NDST4: variants seen among roughly 807,000 people sequenced by gnomAD.
The protein encoded by NDST4 is N-heparan sulfate sulfotransferase 4.
NDST4 carries 63 observed loss-of-function variants against 100.8 expected under a neutral mutation model. That is an observed-to-expected ratio of 0.62 (90% CI 0.51 to 0.77). The LOEUF (loss-of-function observed/expected upper bound fraction) is 0.77, where lower values mean the gene tolerates loss of function less well. Ranked by LOEUF, NDST4 falls within the 30% of genes least tolerant of loss-of-function variation. The pLI is 0.00. For missense variants in NDST4, 943 were observed against 1,018.4 expected, an observed-to-expected ratio of 0.93 and a Z score of 1.01; for synonymous variants, 377 against 361.8, an observed-to-expected ratio of 1.04 and a Z score of -0.48.
rs142382531 is a variant in NDST4, at chr4:114,975,110, G to A, written c.1066+2077C>T. ...ATGTGACAAGATAGGGGTAAGGCAC[G>A]TCTTTCTGATATCTGAAAGGGTATC... On this transcript the variant is annotated intron_variant, in intron 3 of 13. Transcript: ENST00000264363. 8.0e-4 allele frequency among the ~76,000 whole-genome samples: 121 copies of A among 152,192 alleles called. 1 individual carries two copies. Among genetic ancestry groups the A allele is most frequent in the Non-Finnish European group, 9.4e-4 (64 of 67,990 alleles).
intron 3 of NDST4, among the ~76,000 whole-genome samples, chr4:114,975,235 G>A (rs116137233): frequency 0.015 from 2,276 of 151,946 alleles, 67 homozygotes; most frequent in African/African-American, 0.052. Context: ...TGTTATAGGT[G>A]CATTTCAATG....
chr4:115,083,626 C>T (rs1025667111), intron 1 of NDST4, among the ~76,000 whole-genome samples: 2 of 152,208 alleles, frequency 1.3e-5, no homozygotes, highest in Middle Eastern at 3.4e-3. Context: ...AATTACAGTT[C>T]CCATAATCCC....
intron 1 of NDST4, among the ~76,000 whole-genome samples, chr4:115,103,189 G>T (rs147500464): frequency 3.6e-4 from 55 of 152,158 alleles, no homozygotes; most frequent in Non-Finnish European, 6.9e-4. Flanking sequence ...CTGACTTTGT[G>T]CTGCTGGTGA....
At chr4:114,832,823 C>A (rs909868391) in intron 12 of NDST4, among the ~76,000 whole-genome samples, 4 of 152,194 alleles carry the variant, frequency 2.6e-5, no homozygotes, top group African/African-American at 9.7e-5. Flanking sequence ...ACAGCCACCA[C>A]AAGGTGAGAA....
chr4:114,905,763 C>T (rs1724936257), intron 6 of NDST4, among the ~76,000 whole-genome samples: 1 of 151,898 alleles, frequency 6.6e-6, no homozygotes, highest in Non-Finnish European at 1.5e-5. Flanking sequence ...TGTTCTTTTT[C>T]ATTTACTTCA....
intron 2 of NDST4, among the ~76,000 whole-genome samples, chr4:115,006,031 C>CAAAAAA (rs33988343): frequency 3.9e-4 from 39 of 99,414 alleles, no homozygotes; most frequent in African/African-American, 8.4e-4. Flanking sequence ...GACTCTATCT[C>CAAAAAA]AAAAAAAAAA....
chr4:114,898,978 T>C (rs914102871), intron 6 of NDST4, among the ~76,000 whole-genome samples: 1 of 151,966 alleles, frequency 6.6e-6, no homozygotes, highest in African/African-American at 2.4e-5. Context: ...ACAAAGACAG[T>C]TTTATTTTTC....
intron 6 of NDST4, among the ~76,000 whole-genome samples, chr4:114,886,416 C>T (rs1448918612): frequency 1.3e-5 from 2 of 151,970 alleles, no homozygotes; most frequent in African/African-American, 4.8e-5. Flanking sequence ...ACTCTTTAGA[C>T]GGAGGCAGAA....
chr4:114,992,038 T>C (rs934936702), intron 2 of NDST4, among the ~76,000 whole-genome samples: 1 of 151,946 alleles, frequency 6.6e-6, no homozygotes, highest in African/African-American at 2.4e-5. Flanking sequence ...ATCTCAAAAA[T>C]AGTACGGTTC....
intron 4 of NDST4, among the ~76,000 whole-genome samples, chr4:114,958,758 C>T (rs1031934163): frequency 3.3e-5 from 5 of 152,188 alleles, no homozygotes; most frequent in African/African-American, 1.2e-4. Context: ...GTTACTTATG[C>T]AAATTTCTGC....
chr4:115,034,571 A>G (rs1277874471), intron 2 of NDST4, among the ~76,000 whole-genome samples: 5 of 152,156 alleles, frequency 3.3e-5, no homozygotes, highest in Non-Finnish European at 7.4e-5. Flanking sequence ...AGGAATCAAA[A>G]TTCTATTGCT....
At chr4:114,970,407 A>T (rs1219824262) in intron 4 of NDST4, 23 bp downstream of exon 4, 3 of 1,583,968 alleles carry the variant, frequency 1.9e-6, no homozygotes, top group Non-Finnish European at 2.6e-6. Context: ...AGTTCAAAAG[A>T]TACCACAATA....
intron 2 of NDST4, among the ~76,000 whole-genome samples, chr4:115,008,464 G>A (rs1727468630): frequency 7.8e-6 from 1 of 128,516 alleles, no homozygotes; most frequent in African/African-American, 3.0e-5. Context: ...ATGAAGCTTA[G>A]TTTGGCCGGA....
At chr4:114,845,757 T>G (rs1723534235) in intron 10 of NDST4, 66 bp downstream of exon 10, 5 of 1,436,560 alleles carry the variant, frequency 3.5e-6, no homozygotes, top group Non-Finnish European at 4.8e-6. Flanking sequence ...CTATTCTGGT[T>G]ATTTTTCATT....
chr4:115,017,348 A>G (rs1727700594), intron 2 of NDST4, among the ~76,000 whole-genome samples: 1 of 152,062 alleles, frequency 6.6e-6, no homozygotes, highest in African/African-American at 2.4e-5. Flanking sequence ...AGAAATTTTT[A>G]TTCAATATAT....
At position 115,099,647 on chromosome 4, in the gene NDST4, T is replaced by G. The variant is rs140818794; in HGVS notation, c.-247+13797A>C. 1.1e-3 allele frequency among the ~76,000 whole-genome samples: 172 copies of G among 152,238 alleles called. 3 individuals carry two copies. Among genetic ancestry groups the G allele is most frequent in the South Asian group, 1.9e-3 (9 of 4,824 alleles). On this transcript the variant is annotated intron_variant, in intron 1 of 13. Coordinates refer to ENST00000264363, the MANE Select transcript of NDST4 (RefSeq NM_022569.3). ...CACACCTTTTAGAATGGGTAAAATC[T>G]AAAACAATGACAACACTAAATGCTG...
rs973012994 is a variant in NDST4 at position 115,104,414 on chromosome 4, T to C, written c.-247+9030A>G. On this transcript the variant is annotated intron_variant, in intron 1 of 13. Coordinates refer to ENST00000264363, the MANE Select transcript of NDST4 (RefSeq NM_022569.3). ...AAAGACTTCGGAATAAATACTCTCT[T>C]CACCTACCTCTCAGCTCTAGCAGTT... Among the ~76,000 whole-genome samples the C allele has an allele frequency of 2.0e-5, 3 of 152,098 alleles. 1 individual carries two copies. In the South Asian group the frequency reaches 6.2e-4, roughly 32 times the overall value.
chr4:115,059,696 A>C (rs1238634896), intron 2 of NDST4, among the ~76,000 whole-genome samples: 1 of 151,950 alleles, frequency 6.6e-6, no homozygotes, highest in Non-Finnish European at 1.5e-5. Flanking sequence ...TTTCTTTTTT[A>C]AAAAGCGGGT....
At position 114,832,940 on chromosome 4, in the gene NDST4, T is replaced by G; in HGVS notation, c.2396+666A>C. On this transcript the variant is annotated intron_variant, in intron 12 of 13. Transcript: ENST00000264363. ...AGACGTGAGTAAAGGAGACTCCAGATGATTTCAGGTCCCAGTCATCTGAGT... is the reference window on the plus strand; with the variant it reads ...AGACGTGAGTAAAGGAGACTCCAGAGGATTTCAGGTCCCAGTCATCTGAGT... Among the ~76,000 whole-genome samples the G allele has an allele frequency of 1.3e-5, 2 of 152,176 alleles. 1 individual carries two copies. The highest frequency in any genetic ancestry group is 3.9e-4 in the East Asian group (2 of 5,180).
Sources: allele counts gnomAD v4.1 joint callset (sites outside exome capture counted in the v4.1 genomes callset), GRCh38; gene constraint gnomAD v4.1.1; transcripts MANE v1.5; gene names NCBI Gene and HGNC (gene_info 2026-07-23, HGNC 2026-07-21).